The following NXPH1 variants were observed in gnomAD, a reference collection of about 807,000 sequenced individuals.
NXPH1 encodes the protein neurexophilin-1.
NXPH1 carries 5 observed loss-of-function variants against 23.7 expected under a neutral mutation model. The observed-to-expected ratio is 0.21, with a 90% CI of 0.11 to 0.44. The LOEUF (loss-of-function observed/expected upper bound fraction) is 0.44, where lower values mean the gene tolerates loss of function less well. Ranked by LOEUF, NXPH1 falls within the 20% of genes least tolerant of loss-of-function variation. The pLI is 0.99. For missense variants in NXPH1, 324 were observed against 321.6 expected (o/e 1.01, Z -0.06); for synonymous variants, 144 against 122.2 (o/e 1.18, Z -1.18).
chr7:8,474,316 A>G (rs1816930038), intron 2 of NXPH1, among the ~76,000 whole-genome samples: 1 of 152,168 alleles, frequency 6.6e-6, no homozygotes, highest in Admixed American at 6.5e-5. Flanking sequence ...GCTGAGAGAA[A>G]TGATACAGAA....
chr7:8,463,245 T>G (rs191726024), intron 2 of NXPH1, among the ~76,000 whole-genome samples: 62 of 152,262 alleles, frequency 4.1e-4, no homozygotes, highest in East Asian at 1.7e-3. Flanking sequence ...ACTTCCTTCT[T>G]TTTCACTTAC....
intron 2 of NXPH1, among the ~76,000 whole-genome samples, chr7:8,598,239 G>A (rs748691849): frequency 6.6e-6 from 1 of 152,236 alleles, no homozygotes; most frequent in Admixed American, 6.5e-5. Flanking sequence ...TATCCTCAAA[G>A]GGATTTGGGA....
intron 2 of NXPH1, among the ~76,000 whole-genome samples, chr7:8,739,286 G>A (rs911397431): frequency 6.7e-6 from 1 of 150,012 alleles, no homozygotes; most frequent in Non-Finnish European, 1.5e-5. Flanking sequence ...ATAGGCACCC[G>A]AGGGAATCTC....
At chr7:8,641,058 A>C (rs913153527) in intron 2 of NXPH1, among the ~76,000 whole-genome samples, 1 of 152,214 alleles carries the variant, frequency 6.6e-6, no homozygotes, top group African/African-American at 2.4e-5. Flanking sequence ...TTAATTGCAC[A>C]GACTTCCATG....
chr7:8,555,933 C>G (rs1468530046), intron 2 of NXPH1, among the ~76,000 whole-genome samples: 3 of 151,680 alleles, frequency 2.0e-5, no homozygotes, highest in Non-Finnish European at 4.4e-5. Context: ...GTACTTGGAA[C>G]AAATGGATCT....
intron 2 of NXPH1, among the ~76,000 whole-genome samples, chr7:8,696,314 C>G (rs1583234490): frequency 6.6e-6 from 1 of 152,194 alleles, no homozygotes; most frequent in Non-Finnish European, 1.5e-5. Context: ...TGAATTCACT[C>G]TAATGACTAT....
At chr7:8,683,739 G>A (rs983205788) in intron 2 of NXPH1, among the ~76,000 whole-genome samples, 9 of 151,594 alleles carry the variant, frequency 5.9e-5, no homozygotes, top group African/African-American at 1.7e-4. Flanking sequence ...AATTTTTTTT[G>A]TTCTAGATCA....
At chr7:8,657,200 C>G (rs1820597432) in intron 2 of NXPH1, among the ~76,000 whole-genome samples, 1 of 152,116 alleles carries the variant, frequency 6.6e-6, no homozygotes, top group Non-Finnish European at 1.5e-5. Flanking sequence ...ATTTGAAATT[C>G]TGAATTAAAA....
intron 2 of NXPH1, among the ~76,000 whole-genome samples, chr7:8,723,837 A>T (rs79401595): frequency 0.032 from 4,852 of 152,256 alleles, 272 homozygotes; most frequent in African/African-American, 0.11. Context: ...GCTTATACAC[A>T]GGTTCTAAAG....
chr7:8,480,609 C>A (rs527525444), intron 2 of NXPH1, among the ~76,000 whole-genome samples: 1 of 152,284 alleles, frequency 6.6e-6, no homozygotes, highest in African/African-American at 2.4e-5. Flanking sequence ...AAACCACTGC[C>A]CTAAGTGGCT....
chr7:8,729,431 T>C (rs1481824123), intron 2 of NXPH1, among the ~76,000 whole-genome samples: 1 of 139,960 alleles, frequency 7.1e-6, no homozygotes. Context: ...ATTGTGATGT[T>C]AGGGTGTCAA....
intron 2 of NXPH1, among the ~76,000 whole-genome samples, chr7:8,548,081 C>T (rs1818223560): frequency 6.6e-6 from 1 of 151,418 alleles, no homozygotes; most frequent in Admixed American, 6.6e-5. Flanking sequence ...CATAGAAATT[C>T]AACTAATTTA....
At chr7:8,656,906 G>A (rs1055978554) in intron 2 of NXPH1, among the ~76,000 whole-genome samples, 10 of 152,110 alleles carry the variant, frequency 6.6e-5, no homozygotes, top group Non-Finnish European at 1.3e-4. Flanking sequence ...TCTCATGAAG[G>A]TCTTCACCAC....
chr7:8,554,561 T>C (rs1019736187), intron 2 of NXPH1, among the ~76,000 whole-genome samples: 2 of 151,750 alleles, frequency 1.3e-5, no homozygotes, highest in African/African-American at 4.8e-5. Context: ...ATGTGTTATC[T>C]ATGTTCCACA....
chr7:8,615,220 G>T (rs143178643), intron 2 of NXPH1, among the ~76,000 whole-genome samples: 1 of 151,988 alleles, frequency 6.6e-6, no homozygotes, highest in Non-Finnish European at 1.5e-5. Context: ...ATGGGATTGC[G>T]GGAGCTAAAT....
Position 8,524,069 on chromosome 7 carries a change from C to T in NXPH1, c.54+88302C>T, listed in dbSNP as rs138194740. Among the ~76,000 whole-genome samples the T allele has an allele frequency of 3.5e-3, 534 of 151,880 alleles. 1 individual carries two copies. The highest frequency in any genetic ancestry group is 0.012 in the African/African-American group (504 of 41,424). On this transcript the variant is annotated intron_variant, in intron 2 of 2. Transcript: ENST00000405863. ...ACCAGCCTGGCCAAGATGGTGAAAC[C>T]CCTTCTCTACTAAAAATCCAAAATT...
At chr7:8,716,489 AG>A (rs1779880662) in intron 2 of NXPH1, among the ~76,000 whole-genome samples, 1 of 152,222 alleles carries the variant, frequency 6.6e-6, no homozygotes, top group South Asian at 2.1e-4. Flanking sequence ...AAATTTATTA[AG>A]TACAGATTTT....
At position 8,696,623 on chromosome 7, in the gene NXPH1, T is replaced by C. The variant is rs151138527; in HGVS notation, c.55-54385T>C. Among the ~76,000 whole-genome samples the C allele has an allele frequency of 5.4e-4, 82 of 152,282 alleles. 1 individual carries two copies. Among genetic ancestry groups the C allele is most frequent in the African/African-American group, 1.9e-3 (79 of 41,556 alleles). On this transcript the variant is annotated intron_variant, in intron 2 of 2. Transcript: ENST00000405863. ...AATTTCCAGGCATATAGTTCCAGCATAGAGCAAAAGTCTTAGGGCTGAAAT... is the reference window on the plus strand; with the variant it reads ...AATTTCCAGGCATATAGTTCCAGCACAGAGCAAAAGTCTTAGGGCTGAAAT...
intron 2 of NXPH1, among the ~76,000 whole-genome samples, chr7:8,597,235 G>T (rs1004833477): frequency 6.6e-6 from 1 of 152,082 alleles, no homozygotes; most frequent in Admixed American, 6.6e-5. Flanking sequence ...AAGACAGTTG[G>T]GTCTTTTCAG....
Sources: allele counts gnomAD v4.1 joint callset (sites outside exome capture counted in the v4.1 genomes callset), GRCh38; gene constraint gnomAD v4.1.1; transcripts MANE v1.5; gene names NCBI Gene and HGNC (gene_info 2026-07-23, HGNC 2026-07-21).